The following ZNF492 variants were observed in gnomAD, a reference collection of about 807,000 sequenced individuals.
The protein encoded by ZNF492 is zinc finger protein 115 (Y20).
A neutral mutation model predicts 6.4 loss-of-function variants in ZNF492; 3 were observed. That is an observed-to-expected ratio of 0.47 (90% CI 0.21 to 1.22). ZNF492 has a LOEUF of 1.22. Among genes scored for constraint, ZNF492 ranks in the 50% most tolerant of loss-of-function variants. ZNF492 has a pLI of 0.22. For synonymous variants in ZNF492, 112 were observed against 205.3 expected (o/e 0.55, Z 3.89); for missense variants, 356 against 612.5 (o/e 0.58, Z 4.42).
At chr19:22,641,337 T>C (rs888637294) in intron 1 of ZNF492, among the ~76,000 whole-genome samples, 1 of 152,244 alleles carries the variant, frequency 6.6e-6, no homozygotes, top group African/African-American at 2.4e-5. Flanking sequence ...TCTTGGTTCC[T>C]GCCTTAATTT....
chr19:22,665,007 G>A lies in ZNF492; in HGVS notation c.1338G>A (p.Glu446=). Residue 446 remains glutamate, a synonymous_variant, in exon 4 of 4, where the codon GAG becomes GAA. Transcript: ENST00000456783. The stretch of plus-strand genomic sequence containing the variant: ...AACATAAGGTAATTCATACTGGAGA[G>A]AAGCCCTACAAATATGAAGAATGTG... The part of the protein sequence containing the change: ...LSKHKVIHTG[E]KPYKYEECGK... 6.3e-7 allele frequency: 1 copy of A among 1,582,068 alleles called. No homozygotes were observed. The highest frequency in any genetic ancestry group is 1.7e-5 in the Admixed American group (1 of 58,662).
At chr19:22,638,855 T>G in intron 1 of ZNF492, among the ~76,000 whole-genome samples, 1 of 144,312 alleles carries the variant, frequency 6.9e-6, no homozygotes, top group East Asian at 2.0e-4. Flanking sequence ...GTTTGTTTGT[T>G]TGTTTGAGAT....
At chr19:22,656,430 G>C (rs1487351906) in intron 3 of ZNF492, among the ~76,000 whole-genome samples, 6 of 152,022 alleles carry the variant, frequency 3.9e-5, no homozygotes, top group Non-Finnish European at 2.9e-5. Flanking sequence ...AGATGAGTTT[G>C]GCTTTCACTG....
chr19:22,667,464 A>G lies in ZNF492; in HGVS notation c.*2199A>G, dbSNP rs1371204962. 6.6e-6 allele frequency: 1 copy of G among 152,106 alleles called. No homozygotes were observed. 9.4% of individuals were successfully genotyped at this position (152,106 alleles called of 1,614,324 possible). A position where few individuals can be genotyped will look rare whatever the true frequency, so the allele number is the denominator to read the frequency against. On this transcript the variant is annotated 3_prime_UTR_variant, in exon 4 of 4. Coordinates refer to ENST00000456783, the MANE Select transcript of ZNF492 (RefSeq NM_020855.3). ...GGCATATTCTGATAAGAGGCATACA[A>G]TATGTAATAATCACATTAGGGTAAA...
rs1971738923 is a variant in ZNF492 at position 22,634,449 on chromosome 19, T to C, written c.-119T>C. On this transcript the variant is annotated 5_prime_UTR_variant, in exon 1 of 4. Coordinates refer to ENST00000456783, the MANE Select transcript of ZNF492 (RefSeq NM_020855.3). ...ATTGGGAGATCCACAGCTAAGACGCTAGGACCCCCTGGAAGCCTAGAAACG... is the reference window on the plus strand; with the variant it reads ...ATTGGGAGATCCACAGCTAAGACGCCAGGACCCCCTGGAAGCCTAGAAACG... The C allele has an allele frequency of 1.4e-6, 2 of 1,381,952 alleles. No individual in the cohort carries two copies. Among genetic ancestry groups the C allele is most frequent in the African/African-American group, 1.5e-5 (1 of 67,352 alleles). The allele number at this position is 1,381,952 out of a possible 1,614,324, so 85.6% of individuals were successfully genotyped here.
Position 22,663,820 on chromosome 19 carries a change from C to T in ZNF492, c.151C>T (p.Arg51Ter), listed in dbSNP as rs374481634. The T allele has an allele frequency of 2.4e-5, 37 of 1,519,690 alleles. No individual in the cohort carries two copies. The highest frequency in any genetic ancestry group is 9.5e-5 in the South Asian group (7 of 73,644). The allele number at this position is 1,519,690 out of a possible 1,614,324, so 94.1% of individuals were successfully genotyped here. A position where few individuals can be genotyped will look rare whatever the true frequency, so the allele number is the denominator to read the frequency against. Residue 51 changes from arginine (R) to a stop codon, truncating the protein, a stop_gained, in exon 4 of 4, where the codon CGA becomes TGA. Coordinates refer to ENST00000456783, the MANE Select transcript of ZNF492 (RefSeq NM_020855.3). LOFTEE classifies it low-confidence loss of function (END_TRUNC). ...EPPVVCSYFA[R>*]DLWPKQGKKN... ...TTCAGTTGTATGTTCTTATTTTGCC[C>T]GAGACCTTTGGCCAAAGCAGGGCAA...
At chr19:22,660,352 T>C (rs1423181867) in intron 3 of ZNF492, among the ~76,000 whole-genome samples, 10 of 152,078 alleles carry the variant, frequency 6.6e-5, no homozygotes, top group Non-Finnish European at 1.5e-4. Flanking sequence ...TCTTTGTGTC[T>C]TTTTGATTTT....
rs1275937669 is a variant in ZNF492, at chr19:22,665,606, AGTT to A, written c.*344_*346del. On this transcript the variant is annotated 3_prime_UTR_variant, in exon 4 of 4. Coordinates refer to ENST00000456783, the MANE Select transcript of ZNF492 (RefSeq NM_020855.3). ...AGACAAACATTACAAATATAAACGA[AGTT>A]GTGGTAACTTTACTTGTAACACAGA... 4.9e-5 allele frequency: 12 copies of A among 243,780 alleles called. No homozygotes were observed. Among genetic ancestry groups the A allele is most frequent in the Non-Finnish European group, 8.7e-5 (11 of 125,764 alleles). 15.1% of individuals were successfully genotyped at this position (243,780 alleles called of 1,614,324 possible).
chr19:22,646,146 T>C lies in ZNF492; in HGVS notation c.-93-7161T>C, dbSNP rs551719678. Among the ~76,000 whole-genome samples the C allele has an allele frequency of 1.6e-4, 25 of 152,358 alleles. No homozygotes were observed. In the South Asian group the frequency reaches 5.0e-3, roughly 30 times the overall value. ...ATTTTCATGATGTTGATTCCTTCTA[T>C]CCATAAGGATGGGATGTTTTTCCAT... is the stretch of plus-strand genomic sequence containing the variant. On this transcript the variant is annotated intron_variant, in intron 1 of 3. Transcript: ENST00000456783.
chr19:22,643,506 A>G (rs1183222739), intron 1 of ZNF492, among the ~76,000 whole-genome samples: 3 of 152,156 alleles, frequency 2.0e-5, no homozygotes, highest in East Asian at 3.9e-4. Flanking sequence ...GCCTAGGGGG[A>G]GCATCATCAG....
intron 3 of ZNF492, among the ~76,000 whole-genome samples, chr19:22,655,698 T>TTTTTTTTTTTTTA: frequency 6.9e-6 from 1 of 145,228 alleles, no homozygotes; most frequent in Non-Finnish European, 1.5e-5. Flanking sequence ...TTTTTTTACT[T>TTTTTTTTTTTTTA]ATTCCACATA....
At chr19:22,659,988 C>CT in intron 3 of ZNF492, among the ~76,000 whole-genome samples, 1 of 152,192 alleles carries the variant, frequency 6.6e-6, no homozygotes, top group East Asian at 1.9e-4. Context: ...TTTTAATGTC[C>CT]TTTTTTGTCT....
intron 3 of ZNF492, among the ~76,000 whole-genome samples, chr19:22,662,632 G>A (rs2145262607): frequency 6.6e-6 from 1 of 151,190 alleles, no homozygotes. Context: ...CATTCTAACT[G>A]GCATGAGATG....
At chr19:22,659,636 G>A (rs1972035685) in intron 3 of ZNF492, among the ~76,000 whole-genome samples, 1 of 149,550 alleles carries the variant, frequency 6.7e-6, no homozygotes, top group South Asian at 2.1e-4. Context: ...TAGGTTCCCA[G>A]TGAGTAAATC....
Position 22,664,087 on chromosome 19 carries a change from T to C in ZNF492, c.418T>C (p.Ser140Pro), listed in dbSNP as rs684399. Residue 140 changes from serine to proline, a missense_variant, in exon 4 of 4, where the codon TCT becomes CCT. By Grantham distance (74) the Ser-to-Pro change is moderately conservative (BLOSUM62 -1). Transcript: ENST00000456783. Reference sequence around the variant, plus strand: ...TACGATAAGACATACTGGAAAGAAATCTTTCAAATGTAAAGAATGTGAAAA... The same window carrying C: ...TACGATAAGACATACTGGAAAGAAACCTTTCAAATGTAAAGAATGTGAAAA... ...RHTIRHTGKK[S>P]FKCKECEKSF... 5 of 1,604,690 alleles carry C rather than the reference T, an allele frequency of 3.1e-6. No homozygotes were observed. The highest frequency in any genetic ancestry group is 4.3e-6 in the Non-Finnish European group (5 of 1,175,060).
chr19:22,652,721 G>A (rs601404), intron 1 of ZNF492, among the ~76,000 whole-genome samples: 132,573 of 151,760 alleles, frequency 0.87, 58,300 homozygotes, highest in East Asian at 1. Flanking sequence ...CTGGGACTAC[G>A]GGCTCTCGCC....
rs530821698 is a variant in ZNF492, at chr19:22,665,837, T to A, written c.*572T>A. The A allele has an allele frequency of 3.3e-5, 5 of 152,872 alleles. No individual in the cohort carries two copies. The East Asian group carries it at 9.6e-4, about 30-fold the overall frequency. The allele number at this position is 152,872 out of a possible 1,614,324, so 9.5% of individuals were successfully genotyped here. On this transcript the variant is annotated 3_prime_UTR_variant, in exon 4 of 4. Coordinates refer to ENST00000456783, the MANE Select transcript of ZNF492 (RefSeq NM_020855.3). ...CATATACAGTAAATAGAAAAAAATA[T>A]TTAATTCAATGGTAAGTTTATGTAA...
Position 22,637,982 on chromosome 19 carries a change from T to A in ZNF492, c.-94+3508T>A, listed in dbSNP as rs577426875. 2.6e-5 allele frequency among the ~76,000 whole-genome samples: 4 copies of A among 152,162 alleles called. No homozygotes were observed. In the East Asian group the frequency reaches 5.8e-4, roughly 22 times the overall value. On this transcript the variant is annotated intron_variant, in intron 1 of 3. Transcript: ENST00000456783. Reference sequence around the variant, plus strand: ...TTTCCCTAATGATTAGTGATGAGCATTTTTTTTATGCTCGTTAACCACATG... The same window carrying A: ...TTTCCCTAATGATTAGTGATGAGCAATTTTTTTATGCTCGTTAACCACATG...
At chr19:22,646,077 T>A (rs1295804137) in intron 1 of ZNF492, among the ~76,000 whole-genome samples, 1 of 152,230 alleles carries the variant, frequency 6.6e-6, no homozygotes, top group Non-Finnish European at 1.5e-5. Context: ...GGTAGTTTGA[T>A]GGGAATAACA....
Sources: gnomAD v4.1 joint callset for allele counts (sites outside exome capture counted in the v4.1 genomes callset) on GRCh38, gnomAD v4.1.1 for gene constraint, MANE v1.5 for transcripts, NCBI Gene and HGNC (gene_info 2026-07-23, HGNC 2026-07-21) for gene names.